FBXW7: variants seen among roughly 807,000 people sequenced by gnomAD.
FBXW7 encodes the protein F-box/WD repeat-containing protein 7.
In FBXW7, 11 loss-of-function variants were observed where a neutral mutation model predicts 86.3. That is an observed-to-expected ratio of 0.13 (90% confidence interval 0.08 to 0.21). The LOEUF (loss-of-function observed/expected upper bound fraction) is 0.21. FBXW7 is among the 10% of genes least tolerant of loss of function. FBXW7 has a pLI of 1.00. For missense variants in FBXW7, 488 were observed against 847.4 expected (o/e 0.58, Z 5.27); for synonymous variants, 313 against 297.9 (o/e 1.05, Z -0.52).
chr4:152,460,288 G>A (rs752871556), intron 2 of FBXW7, among the ~76,000 whole-genome samples: 1 of 152,158 alleles, frequency 6.6e-6, no homozygotes, highest in Non-Finnish European at 1.5e-5. Flanking sequence ...TGTACAATAT[G>A]TAAATTCCCA....
chr4:152,486,066 T>G (rs1192206651), intron 2 of FBXW7, among the ~76,000 whole-genome samples: 1 of 152,162 alleles, frequency 6.6e-6, no homozygotes, highest in Non-Finnish European at 1.5e-5. Flanking sequence ...TGTAACATGG[T>G]GCGTCTGAGA....
At chr4:152,334,419 C>T (rs780324209) in intron 7 of FBXW7, among the ~76,000 whole-genome samples, 27 of 152,130 alleles carry the variant, frequency 1.8e-4, no homozygotes, top group Non-Finnish European at 3.4e-4. Context: ...GTTACCATTA[C>T]TAATCTATGT....
intron 4 of FBXW7, among the ~76,000 whole-genome samples, chr4:152,404,503 G>C (rs1171216985): frequency 1.3e-5 from 2 of 152,032 alleles, no homozygotes; most frequent in Non-Finnish European, 2.9e-5. Flanking sequence ...ATGTATGTTT[G>C]CTTCATAATT....
chr4:152,525,587 A>AT (rs1749431781), intron 2 of FBXW7, among the ~76,000 whole-genome samples: 1 of 152,204 alleles, frequency 6.6e-6, no homozygotes, highest in Admixed American at 6.5e-5. Context: ...TGTGCTACGG[A>AT]TAATAGCCTC....
chr4:152,325,624 T>A, intron 12 of FBXW7: 1 of 194,328 alleles, frequency 5.1e-6, no homozygotes, highest in Non-Finnish European at 1.1e-5. Flanking sequence ...ACATGGTCCA[T>A]CAACTTTCAG....
chr4:152,323,363 G>A, intron 13 of FBXW7: 1 of 610,502 alleles, frequency 1.6e-6, no homozygotes, highest in South Asian at 2.2e-5. Context: ...ACTTTCAAGA[G>A]GTCTGTCTTC....
Position 152,418,127 on chromosome 4 carries a change from C to T in FBXW7, c.-119-5598G>A, listed in dbSNP as rs1034317460. On this transcript the variant is annotated intron_variant, in intron 2 of 13. Coordinates refer to ENST00000281708, the MANE Select transcript of FBXW7 (RefSeq NM_001349798.2). ...TCACTCATTTAAAGAACAGCTCTTA[C>T]CACACACACACACACACACACACAC... is the stretch of plus-strand genomic sequence containing the variant. Among the ~76,000 whole-genome samples the T allele has an allele frequency of 6.3e-5, 9 of 143,938 alleles. No individual in the cohort carries two copies. The South Asian group carries it at 2.0e-3, about 32-fold the overall frequency. The allele number at this position is 143,938 out of a possible 152,430, so 94.4% of individuals were successfully genotyped here.
chr4:152,347,088 A>AAAG lies in FBXW7; in HGVS notation c.585-18_585-17insCTT. 2 of 1,558,552 alleles carry AAAG rather than the reference A, an allele frequency of 1.3e-6. No individual in the cohort carries two copies. Among genetic ancestry groups the AAAG allele is most frequent in the Admixed American group, 2.0e-5 (1 of 50,524 alleles). Reference sequence around the variant, plus strand: ...CCAGTGGTACTACAAAAAAAAAAAAAAGAGAGAGAGAAAGGATAAAAGGAA... The same window carrying AAAG: ...CCAGTGGTACTACAAAAAAAAAAAAAAAGAGAGAGAGAGAAAGGATAAAAGGAA... On this transcript the variant is annotated splice_polypyrimidine_tract_variant and intron_variant, in intron 5 of 13. Transcript: ENST00000281708.
intron 4 of FBXW7, among the ~76,000 whole-genome samples, chr4:152,373,082 CT>C (rs904922430): frequency 6.6e-6 from 1 of 151,944 alleles, no homozygotes; most frequent in African/African-American, 2.4e-5. Flanking sequence ...CACTAAGGGT[CT>C]GTTCAACAAA....
chr4:152,460,171 C>T (rs1335207602), intron 2 of FBXW7, among the ~76,000 whole-genome samples: 1 of 151,968 alleles, frequency 6.6e-6, no homozygotes, highest in African/African-American at 2.4e-5. Flanking sequence ...TTTTAGAAAC[C>T]TATTATACAT....
intron 4 of FBXW7, among the ~76,000 whole-genome samples, chr4:152,408,289 T>C (rs1419760217): frequency 6.6e-6 from 1 of 152,196 alleles, no homozygotes; most frequent in African/African-American, 2.4e-5. Context: ...ATATTCTGCA[T>C]AAAATATGTC....
intron 2 of FBXW7, among the ~76,000 whole-genome samples, chr4:152,427,704 A>C (rs1245773158): frequency 6.6e-6 from 1 of 152,206 alleles, no homozygotes; most frequent in Non-Finnish European, 1.5e-5. Flanking sequence ...AAAATTATGA[A>C]GGACTCCCAA....
intron 2 of FBXW7, among the ~76,000 whole-genome samples, chr4:152,489,836 ACTC>A (rs2149682800): frequency 6.6e-6 from 1 of 150,840 alleles, no homozygotes; most frequent in African/African-American, 2.4e-5. Context: ...TACCTTGAAA[ACTC>A]CATGTTCTTA....
At chr4:152,488,380 T>C (rs1401260293) in intron 2 of FBXW7, among the ~76,000 whole-genome samples, 1 of 152,084 alleles carries the variant, frequency 6.6e-6, no homozygotes, top group African/African-American at 2.4e-5. Context: ...ACTTCACTTG[T>C]CTAACATAAT....
intron 4 of FBXW7, among the ~76,000 whole-genome samples, chr4:152,392,785 A>C (rs1264559981): frequency 6.6e-6 from 1 of 152,188 alleles, no homozygotes; most frequent in Non-Finnish European, 1.5e-5. Context: ...CAGGTGATTC[A>C]AAATGAAAAC....
At chr4:152,393,202 T>C (rs1451910184) in intron 4 of FBXW7, among the ~76,000 whole-genome samples, 1 of 152,116 alleles carries the variant, frequency 6.6e-6, no homozygotes, top group Non-Finnish European at 1.5e-5. Context: ...ATGTGAACTC[T>C]CAAGATTTTC....
At position 152,411,640 on chromosome 4, in the gene FBXW7, C is replaced by T. The variant is rs2126880931; in HGVS notation, c.164G>A (p.Arg55Lys). The T allele has an allele frequency of 1.2e-6, 2 of 1,613,948 alleles. No individual in the cohort carries two copies. Among genetic ancestry groups the T allele is most frequent in the Non-Finnish European group, 8.5e-7 (1 of 1,179,906 alleles). The change falls in exon 4 of 14, where the codon AGG becomes AAG. Residue 55 changes from arginine to lysine, a missense_variant. By Grantham distance (26) the Arg-to-Lys change is conservative. Transcript: ENST00000281708. ...TTCTACTCCAACAACTTCACCATTC[C>T]TTGCAGTGTGCTCCTCCTCTTGTTG... Reference protein sequence around the residue: ...LRQQEEEHTARNGEVVGVEPR... With the variant: ...LRQQEEEHTAKNGEVVGVEPR...
intron 4 of FBXW7, among the ~76,000 whole-genome samples, chr4:152,372,753 A>G (rs1321856090): frequency 6.6e-6 from 1 of 152,008 alleles, no homozygotes; most frequent in African/African-American, 2.4e-5. Context: ...TACAAATTTA[A>G]ATAGCCTTGC....
chr4:152,463,611 A>C (rs1178732350), intron 2 of FBXW7, among the ~76,000 whole-genome samples: 1 of 152,248 alleles, frequency 6.6e-6, no homozygotes, highest in Middle Eastern at 3.2e-3. Context: ...TGATTCAAAA[A>C]GCATTTACTT....
Sources: allele counts gnomAD v4.1 joint callset (sites outside exome capture counted in the v4.1 genomes callset), GRCh38; gene constraint gnomAD v4.1.1; transcripts MANE v1.5; gene names NCBI Gene and HGNC (gene_info 2026-07-23, HGNC 2026-07-21).